The following EYA4 variants were observed in gnomAD, a reference collection of about 807,000 sequenced individuals.
EYA4 encodes the protein protein phosphatase EYA4.
A neutral mutation model predicts 87.9 loss-of-function variants in EYA4; 31 were observed. The observed-to-expected ratio is 0.35, with a 90% CI of 0.27 to 0.48. The LOEUF (loss-of-function observed/expected upper bound fraction) is 0.48, where lower values mean the gene tolerates loss of function less well. Among genes scored for constraint, EYA4 ranks in the 20% least tolerant of loss-of-function variants. The probability of loss-of-function intolerance (pLI) is 0.99; values close to 1 mark genes in which losing one functional copy is unlikely to be tolerated. For synonymous variants in EYA4, 263 were observed against 270.6 expected (o/e 0.97, Z 0.28); for missense variants, 678 against 761.4 (o/e 0.89, Z 1.29).
At chr6:133,520,804 A>T (rs1800050533) in intron 17 of EYA4, among the ~76,000 whole-genome samples, 1 of 152,072 alleles carries the variant, frequency 6.6e-6, no homozygotes, top group South Asian at 2.1e-4. Context: ...CTCAGAAATA[A>T]CACCGCCTAT....
chr6:133,464,392 C>G (rs1422053810), intron 9 of EYA4, among the ~76,000 whole-genome samples: 1 of 152,154 alleles, frequency 6.6e-6, no homozygotes, highest in Non-Finnish European at 1.5e-5. Flanking sequence ...AAATGTTGAA[C>G]TCAAGTGATT....
At chr6:133,468,132 T>C (rs2128673008) in intron 10 of EYA4, among the ~76,000 whole-genome samples, 1 of 152,180 alleles carries the variant, frequency 6.6e-6, no homozygotes, top group South Asian at 2.1e-4. Context: ...AAATGCAGAC[T>C]GAGGTCTCTG....
intron 2 of EYA4, among the ~76,000 whole-genome samples, chr6:133,285,059 C>T (rs540970664): frequency 3.7e-4 from 56 of 150,228 alleles, no homozygotes; most frequent in South Asian, 1.5e-3. Flanking sequence ...TGCAGTGGCG[C>T]GAGCTCGGCT....
At chr6:133,365,132 A>C (rs1487832356) in intron 2 of EYA4, among the ~76,000 whole-genome samples, 1 of 152,176 alleles carries the variant, frequency 6.6e-6, no homozygotes, top group Non-Finnish European at 1.5e-5. Context: ...ATTCTGGTTC[A>C]GCCTCTTGAG....
chr6:133,385,298 CAAAA>C (rs3065362), intron 3 of EYA4, among the ~76,000 whole-genome samples: 8,167 of 106,582 alleles, frequency 0.077, 1,042 homozygotes, highest in African/African-American at 0.29. Flanking sequence ...GACTCTGTCT[CAAAA>C]AAAAAAAAAA....
Position 133,448,172 on chromosome 6 carries a change from T to C in EYA4, c.270T>C (p.Ser90=). 1 of 1,612,472 alleles carries C rather than the reference T, an allele frequency of 6.2e-7. No homozygotes were observed. The part of the protein sequence containing the change: ...DWLLSCNTPS[S]ATMSLLAVKT... ...TGCTGAGTTGCAACACCCCCTCTTCTGCAACAAGTATGAGAGATGCTGGTA... is the reference window on the plus strand; with the variant it reads ...TGCTGAGTTGCAACACCCCCTCTTCCGCAACAAGTATGAGAGATGCTGGTA... Residue 90 remains serine, a synonymous_variant, in exon 5 of 20, where the codon TCT becomes TCC. Transcript: ENST00000355286.
At chr6:133,319,724 T>TC (rs1351086539) in intron 2 of EYA4, among the ~76,000 whole-genome samples, 3 of 149,232 alleles carry the variant, frequency 2.0e-5, no homozygotes, top group Non-Finnish European at 4.5e-5. Context: ...CTTTTCTTCT[T>TC]TTTTTTTTTT....
intron 2 of EYA4, among the ~76,000 whole-genome samples, chr6:133,313,139 TATA>T (rs1780360555): frequency 6.6e-6 from 1 of 152,214 alleles, no homozygotes; most frequent in South Asian, 2.1e-4. Context: ...ATATTGGACT[TATA>T]AGGTATGGGA....
At chr6:133,452,512 G>T (rs1264299129) in intron 5 of EYA4, among the ~76,000 whole-genome samples, 1 of 152,102 alleles carries the variant, frequency 6.6e-6, no homozygotes, top group Non-Finnish European at 1.5e-5. Context: ...AATTTAAGGG[G>T]ACAAGAGTAA....
chr6:133,414,798 G>A (rs1190018153), intron 3 of EYA4, among the ~76,000 whole-genome samples: 1 of 152,152 alleles, frequency 6.6e-6, no homozygotes, highest in East Asian at 1.9e-4. Flanking sequence ...TTTTCAGGTG[G>A]AAAGATAAGT....
At chr6:133,294,002 C>G (rs1417018403) in intron 2 of EYA4, among the ~76,000 whole-genome samples, 1 of 89,054 alleles carries the variant, frequency 1.1e-5, no homozygotes, top group Non-Finnish European at 2.2e-5. Context: ...ATATAAAATT[C>G]CTGTGCTCCC....
chr6:133,345,922 C>G (rs1464640002), intron 2 of EYA4, among the ~76,000 whole-genome samples: 1 of 152,156 alleles, frequency 6.6e-6, no homozygotes, highest in Non-Finnish European at 1.5e-5. Flanking sequence ...ATTTCTAGTT[C>G]AGAGTTATTT....
chr6:133,351,603 AC>A (rs140802885), intron 2 of EYA4, among the ~76,000 whole-genome samples: 8,221 of 152,088 alleles, frequency 0.054, 714 homozygotes, highest in African/African-American at 0.18. Context: ...AATAGTGCTG[AC>A]CTTCTTTGTT....
rs528359887 is a variant in EYA4, at chr6:133,493,655, T to A, written c.1191+10540T>A. On this transcript the variant is annotated intron_variant, in intron 13 of 19. Coordinates refer to ENST00000355286, the MANE Select transcript of EYA4 (RefSeq NM_004100.5). The stretch of plus-strand genomic sequence containing the variant: ...GAACACAGTCAACAAAGTGAAGAGA[T>A]AATCCACAGAATAGGAGAAAATATT... Among the ~76,000 whole-genome samples, 7 of 152,226 alleles carry A rather than the reference T, an allele frequency of 4.6e-5. No homozygotes were observed. The South Asian group carries it at 1.5e-3, about 32-fold the overall frequency.
rs187542406 is a variant in EYA4, at chr6:133,349,694, A to G, written c.34-32698A>G. Among the ~76,000 whole-genome samples the G allele has an allele frequency of 4.4e-3, 667 of 151,544 alleles. 10 individuals are homozygous for G. Among genetic ancestry groups the G allele is most frequent in the Non-Finnish European group, 4.1e-3 (277 of 68,012 alleles). The stretch of plus-strand genomic sequence containing the variant: ...TATAGGAATGTGGGGGCTGTAATAA[A>G]CCACAGGGTTAACCCCTAATCAGTG... On this transcript the variant is annotated intron_variant, in intron 2 of 19. Coordinates refer to ENST00000355286, the MANE Select transcript of EYA4 (RefSeq NM_004100.5).
chr6:133,365,374 TTAA>T (rs1784780989), intron 2 of EYA4, among the ~76,000 whole-genome samples: 1 of 152,132 alleles, frequency 6.6e-6, no homozygotes, highest in African/African-American at 2.4e-5. Context: ...GATTGAAGAG[TTAA>T]TGGTACAAAT....
At chr6:133,308,237 T>A (rs1411782561) in intron 2 of EYA4, among the ~76,000 whole-genome samples, 4 of 152,152 alleles carry the variant, frequency 2.6e-5, no homozygotes, top group Non-Finnish European at 5.9e-5. Context: ...GCCTTCTAAT[T>A]TAACTTTCAT....
intron 2 of EYA4, among the ~76,000 whole-genome samples, chr6:133,379,242 C>T (rs192901480): frequency 3.3e-5 from 5 of 152,120 alleles, no homozygotes; most frequent in Admixed American, 3.3e-4. Context: ...TATGAATAGC[C>T]ACTGCACTCC....
At chr6:133,515,018 T>C (rs890395061) in intron 16 of EYA4, among the ~76,000 whole-genome samples, 1 of 152,202 alleles carries the variant, frequency 6.6e-6, no homozygotes, top group Non-Finnish European at 1.5e-5. Context: ...CAGGGGCATG[T>C]TCAAAGCTCT....
Sources: allele counts gnomAD v4.1 joint callset (sites outside exome capture counted in the v4.1 genomes callset), GRCh38; gene constraint gnomAD v4.1.1; transcripts MANE v1.5; gene names NCBI Gene and HGNC (gene_info 2026-07-23, HGNC 2026-07-21).